The following ATXN1 variants were observed in gnomAD, a reference collection of about 807,000 sequenced individuals.
The protein encoded by ATXN1 is ataxin-1.
In ATXN1, 8 loss-of-function variants were observed where a neutral mutation model predicts 56.4. The observed-to-expected ratio is 0.14, with a 90% CI of 0.08 to 0.26. ATXN1 has a LOEUF of 0.26. Among genes scored for constraint, ATXN1 ranks in the 10% least tolerant of loss-of-function variants. ATXN1 has a pLI of 1.00. For missense variants in ATXN1, 987 were observed against 1,106.5 expected (o/e 0.89, Z 1.53); for synonymous variants, 514 against 494.6 (o/e 1.04, Z -0.52).
At chr6:16,467,864 A>G (rs370560386) in intron 6 of ATXN1, among the ~76,000 whole-genome samples, 1 of 152,230 alleles carries the variant, frequency 6.6e-6, no homozygotes, top group Admixed American at 6.5e-5. Flanking sequence ...ACCACTGCCT[A>G]CAAGAAGACC....
At chr6:16,518,471 C>T (rs759270157) in intron 5 of ATXN1, among the ~76,000 whole-genome samples, 1 of 152,142 alleles carries the variant, frequency 6.6e-6, no homozygotes, top group South Asian at 2.1e-4. Context: ...AGGTGGCCTG[C>T]GACCAGGCTA....
chr6:16,505,790 G>A (rs1209111316), intron 5 of ATXN1, among the ~76,000 whole-genome samples: 4 of 152,180 alleles, frequency 2.6e-5, no homozygotes, highest in South Asian at 2.1e-4. Context: ...GTAATAAGAT[G>A]ACTGAGAACA....
At chr6:16,348,907 C>T (rs1279858250) in intron 6 of ATXN1, among the ~76,000 whole-genome samples, 1 of 152,164 alleles carries the variant, frequency 6.6e-6, no homozygotes, top group Non-Finnish European at 1.5e-5. Flanking sequence ...GATTTGGAAT[C>T]CTGGTGGCCT....
At chr6:16,556,465 C>T (rs1312577316) in intron 4 of ATXN1, among the ~76,000 whole-genome samples, 2 of 152,146 alleles carry the variant, frequency 1.3e-5, no homozygotes, top group African/African-American at 4.8e-5. Context: ...CACAGACTTC[C>T]CACTCATAAA....
intron 3 of ATXN1, among the ~76,000 whole-genome samples, chr6:16,609,454 G>A (rs745904855): frequency 1.3e-5 from 2 of 152,188 alleles, no homozygotes; most frequent in Non-Finnish European, 2.9e-5. Context: ...TCTCTTGCAC[G>A]ATGGCTTCAC....
intron 6 of ATXN1, among the ~76,000 whole-genome samples, chr6:16,395,740 G>A (rs944709411): frequency 1.6e-4 from 24 of 152,016 alleles, no homozygotes; most frequent in Admixed American, 1.3e-4. Context: ...ACTGTAGGCC[G>A]GGCGCAGTGG....
chr6:16,504,157 C>T (rs1621888), intron 5 of ATXN1, among the ~76,000 whole-genome samples: 6,857 of 152,208 alleles, frequency 0.045, 314 homozygotes, highest in South Asian at 0.16. Context: ...AAACTCCTGC[C>T]TACTAGCTTA....
intron 6 of ATXN1, among the ~76,000 whole-genome samples, chr6:16,441,033 G>A (rs1299492612): frequency 6.6e-6 from 1 of 152,138 alleles, no homozygotes; most frequent in Non-Finnish European, 1.5e-5. Context: ...GGTCAGCAGG[G>A]TGGTGAGCTA....
At chr6:16,450,838 C>G (rs1759738059) in intron 6 of ATXN1, among the ~76,000 whole-genome samples, 1 of 152,166 alleles carries the variant, frequency 6.6e-6, no homozygotes, top group South Asian at 2.1e-4. Context: ...TGGAGAGGTC[C>G]TCTCAGAAAT....
chr6:16,412,545 G>A (rs998663533), intron 6 of ATXN1, among the ~76,000 whole-genome samples: 2 of 152,098 alleles, frequency 1.3e-5, no homozygotes, highest in African/African-American at 2.4e-5. Context: ...CGGCAACAGC[G>A]TCAGTTTCTC....
chr6:16,613,399 T>A (rs116730306), intron 3 of ATXN1, among the ~76,000 whole-genome samples: 3,239 of 151,908 alleles, frequency 0.021, 51 homozygotes, highest in Middle Eastern at 0.051. Flanking sequence ...AAAATAAGAT[T>A]GACTTACTGC....
At chr6:16,439,599 T>C (rs1759472242) in intron 6 of ATXN1, among the ~76,000 whole-genome samples, 1 of 152,094 alleles carries the variant, frequency 6.6e-6, no homozygotes, top group South Asian at 2.1e-4. Context: ...ATTTTCTACA[T>C]ATGTTAAACA....
At chr6:16,366,984 T>C (rs1272867298) in intron 6 of ATXN1, among the ~76,000 whole-genome samples, 1 of 151,868 alleles carries the variant, frequency 6.6e-6, no homozygotes, top group African/African-American at 2.4e-5. Context: ...AACAATCTCA[T>C]GCATAGAGCC....
At chr6:16,503,285 T>C (rs113346825) in intron 5 of ATXN1, among the ~76,000 whole-genome samples, 416 of 152,292 alleles carry the variant, frequency 2.7e-3, no homozygotes, top group African/African-American at 8.9e-3. Context: ...CTGGAGAATG[T>C]GGTCTGACCT....
chr6:16,426,613 G>T (rs1248293405), intron 6 of ATXN1, among the ~76,000 whole-genome samples: 3 of 151,364 alleles, frequency 2.0e-5, no homozygotes, highest in Non-Finnish European at 4.4e-5. Flanking sequence ...CTGTATGTGT[G>T]TGTGTGTGAG....
chr6:16,497,813 G>T (rs558175255), intron 5 of ATXN1, among the ~76,000 whole-genome samples: 1 of 152,148 alleles, frequency 6.6e-6, no homozygotes, highest in South Asian at 2.1e-4. Context: ...AGTGATGAAT[G>T]GAAGGGCTGG....
chr6:16,320,314 G>A (rs1399377690), intron 7 of ATXN1, among the ~76,000 whole-genome samples: 1 of 152,012 alleles, frequency 6.6e-6, no homozygotes, highest in Non-Finnish European at 1.5e-5. Context: ...ACACACACAG[G>A]CACACTCACA....
chr6:16,381,685 A>G (rs1032891845), intron 6 of ATXN1, among the ~76,000 whole-genome samples: 1 of 152,186 alleles, frequency 6.6e-6, no homozygotes, highest in African/African-American at 2.4e-5. Flanking sequence ...CAAAATTCCC[A>G]TTGCAAGTTA....
chr6:16,411,125 C>CAAAAA (rs746717153), intron 6 of ATXN1, among the ~76,000 whole-genome samples: 92 of 79,220 alleles, frequency 1.2e-3, no homozygotes, highest in East Asian at 2.7e-3. Flanking sequence ...ACCTCTGTGT[C>CAAAAA]AAAAAAAAAA....
Sources: allele counts gnomAD v4.1 joint callset (sites outside exome capture counted in the v4.1 genomes callset), GRCh38; gene constraint gnomAD v4.1.1; transcripts MANE v1.5; gene names NCBI Gene and HGNC (gene_info 2026-07-23, HGNC 2026-07-21).